The following FGD3 variants were observed in gnomAD, a reference collection of about 807,000 sequenced individuals.
FGD3 encodes FYVE, RhoGEF and PH domain-containing protein 3.
FGD3 carries 45 observed loss-of-function variants against 71.8 expected under a neutral mutation model. The observed-to-expected ratio is 0.63, with a 90% CI of 0.49 to 0.80. The LOEUF (loss-of-function observed/expected upper bound fraction) is 0.80, where lower values mean the gene tolerates loss of function less well. Ranked by LOEUF, FGD3 falls within the 30% of genes least tolerant of loss-of-function variation. The pLI is 0.00. For missense variants in FGD3, 844 were observed against 951.5 expected, an observed-to-expected ratio of 0.89 and a Z score of 1.49; for synonymous variants, 378 against 392.8, an observed-to-expected ratio of 0.96 and a Z score of 0.44.
intron 1 of FGD3, among the ~76,000 whole-genome samples, chr9:92,961,242 A>G (rs918395183): frequency 2.6e-5 from 4 of 152,126 alleles, no homozygotes; most frequent in Non-Finnish European, 5.9e-5. Context: ...TCATGAAGTG[A>G]GCCACCTGGG....
rs1440483122 is a variant in FGD3 at position 93,036,095 on chromosome 9, G to C, written c.*506G>C. The C allele has an allele frequency of 6.5e-6, 1 of 154,540 alleles. No individual in the cohort carries two copies. Among genetic ancestry groups the C allele is most frequent in the Non-Finnish European group, 1.4e-5 (1 of 69,732 alleles). The allele number at this position is 154,540 out of a possible 1,614,324, so 9.6% of individuals were successfully genotyped here. A position where few individuals can be genotyped will look rare whatever the true frequency, so the allele number is the denominator to read the frequency against. The stretch of plus-strand genomic sequence containing the variant: ...CCTGCCCCATCCTAGCTGGACTCAT[G>C]GTTCCTAAATAACCACGCTCAGAAG... On this transcript the variant is annotated 3_prime_UTR_variant, in exon 18 of 18. Coordinates refer to ENST00000375482, the MANE Select transcript of FGD3 (RefSeq NM_001083536.2).
chr9:93,001,030 T>C (rs1250974934), intron 3 of FGD3, among the ~76,000 whole-genome samples: 1 of 152,160 alleles, frequency 6.6e-6, no homozygotes. Flanking sequence ...TCTTCAGGTT[T>C]GCCCAGTTTT....
rs1316921871 is a variant in FGD3, at chr9:92,956,945, C to G, written c.-218+9216C>G. Among the ~76,000 whole-genome samples the G allele has an allele frequency of 3.4e-5, 5 of 149,186 alleles. No homozygotes were observed. In the Admixed American group the frequency reaches 3.4e-4, roughly 10 times the overall value. On this transcript the variant is annotated intron_variant, in intron 1 of 17. Coordinates refer to ENST00000375482, the MANE Select transcript of FGD3 (RefSeq NM_001083536.2). ...CCTTGACCTCCGGGGCTCAAGCAGTCTCCTGCCTCAGCCTCTGAGTAGTTG... is the reference window on the plus strand; with the variant it reads ...CCTTGACCTCCGGGGCTCAAGCAGTGTCCTGCCTCAGCCTCTGAGTAGTTG...
At chr9:92,961,695 G>C (rs1012885297) in intron 1 of FGD3, among the ~76,000 whole-genome samples, 1 of 152,210 alleles carries the variant, frequency 6.6e-6, no homozygotes, top group African/African-American at 2.4e-5. Flanking sequence ...ACAGATGGTG[G>C]CTGGGGCTGC....
In FGD3 at chr9:92,969,773, G is replaced by A. The variant is rs1284431893; in HGVS notation, c.-217-5465G>A. ...TCTGTGGGACCAGCCCTGCCTATCT[G>A]GGGGACCGCTGCACTGTGGAGGGAC... is the stretch of plus-strand genomic sequence containing the variant. On this transcript the variant is annotated intron_variant, in intron 1 of 17. Transcript: ENST00000375482. The surrounding 1 kb of genome is among the most constrained non-coding windows in gnomAD (Gnocchi z 4.5). 6.6e-6 allele frequency among the ~76,000 whole-genome samples: 1 copy of A among 152,188 alleles called. No individual in the cohort carries two copies. The highest frequency in any genetic ancestry group is 2.4e-5 in the African/African-American group (1 of 41,436).
intron 8 of FGD3, among the ~76,000 whole-genome samples, chr9:93,012,043 A>G (rs1221302551): frequency 1.3e-5 from 2 of 150,118 alleles, no homozygotes; most frequent in African/African-American, 4.9e-5. Flanking sequence ...AGTCCCAGCT[A>G]CTCAGGAGGC....
chr9:92,973,998 G>A (rs958336701), intron 1 of FGD3, among the ~76,000 whole-genome samples: 5 of 152,218 alleles, frequency 3.3e-5, no homozygotes, highest in African/African-American at 9.6e-5. Context: ...GTGAGCTGGG[G>A]CAATAGGAGG....
intron 3 of FGD3, among the ~76,000 whole-genome samples, chr9:92,998,030 G>T (rs144080845): frequency 3.8e-4 from 58 of 152,278 alleles, no homozygotes; most frequent in African/African-American, 1.3e-3. Context: ...CACTAGGTTG[G>T]CGAAGTTCTC....
chr9:92,965,140 A>C (rs988797066), intron 1 of FGD3, among the ~76,000 whole-genome samples: 6 of 152,178 alleles, frequency 3.9e-5, no homozygotes, highest in Non-Finnish European at 8.8e-5. Flanking sequence ...GATTGTGCCC[A>C]CTGTGCAGAG....
At position 92,965,070 on chromosome 9, in the gene FGD3, AG is replaced by A. The variant is rs139340992; in HGVS notation, c.-217-10166del. Among the ~76,000 whole-genome samples the A allele has an allele frequency of 3.4e-3, 516 of 152,222 alleles. 5 individuals are homozygous for A. The highest frequency in any genetic ancestry group is 0.012 in the African/African-American group (488 of 41,520). On this transcript the variant is annotated intron_variant, in intron 1 of 17. Transcript: ENST00000375482. Reference sequence around the variant, plus strand: ...GGGACAGTGGCGGGGCCACCTCAAGAGGTGCATGGACTGATGGCAGGGTCCC... The same window carrying A: ...GGGACAGTGGCGGGGCCACCTCAAGAGTGCATGGACTGATGGCAGGGTCCC...
chr9:92,984,811 CTT>C (rs375226068), intron 3 of FGD3, among the ~76,000 whole-genome samples: 50 of 139,152 alleles, frequency 3.6e-4, no homozygotes, highest in Middle Eastern at 3.7e-3. Context: ...TCTTTTTTTT[CTT>C]TTTTTTTTTT....
chr9:93,002,115 T>C (rs1053414292), intron 3 of FGD3, among the ~76,000 whole-genome samples: 1 of 152,214 alleles, frequency 6.6e-6, no homozygotes, highest in Non-Finnish European at 1.5e-5. Flanking sequence ...ATAGTGATGA[T>C]TTCCAGCTTT....
chr9:92,991,185 T>A (rs1213697582), intron 3 of FGD3, among the ~76,000 whole-genome samples: 1 of 152,090 alleles, frequency 6.6e-6, no homozygotes, highest in Non-Finnish European at 1.5e-5. Context: ...CTCAAGCTAT[T>A]CTCTTGCCTC....
At chr9:92,994,414 G>A (rs571544317) in intron 3 of FGD3, among the ~76,000 whole-genome samples, 3 of 152,194 alleles carry the variant, frequency 2.0e-5, no homozygotes, top group African/African-American at 7.2e-5. Context: ...CCATTCTGTA[G>A]GTTGCCTGTT....
At chr9:93,006,435 G>A (rs1025841042) in intron 6 of FGD3, among the ~76,000 whole-genome samples, 1 of 152,206 alleles carries the variant, frequency 6.6e-6, no homozygotes, top group Non-Finnish European at 1.5e-5. Context: ...TCAAGAGGCT[G>A]TGCAAGCTAC....
chr9:92,982,643 G>A (rs1440286109), intron 3 of FGD3, among the ~76,000 whole-genome samples: 1 of 151,218 alleles, frequency 6.6e-6, no homozygotes, highest in Non-Finnish European at 1.5e-5. Context: ...CGTTCATGCA[G>A]TTCGCTCCTG....
At chr9:92,978,897 T>G (rs1859885441) in intron 3 of FGD3, among the ~76,000 whole-genome samples, 1 of 149,740 alleles carries the variant, frequency 6.7e-6, no homozygotes, top group Non-Finnish European at 1.5e-5. Context: ...GCTTCCCAAG[T>G]TGTCAGGATT....
At chr9:93,027,715 C>CTTTTTTTTTTTTTTTT (rs1199094054) in intron 14 of FGD3, among the ~76,000 whole-genome samples, 20 of 101,996 alleles carry the variant, frequency 2.0e-4, no homozygotes, top group South Asian at 3.5e-4. Context: ...TTCTTTCTTT[C>CTTTTTTTTTTTTTTTT]TTTTTTTTTT....
In FGD3 at chr9:93,035,425, T is replaced by C. The variant is rs752803608; in HGVS notation, c.2014T>C (p.Trp672Arg). The change falls in exon 18 of 18, where the codon TGG (tryptophan) becomes CGG (arginine). Residue 672 changes from tryptophan (W) to arginine (R), a missense_variant. By Grantham distance (101) the Trp-to-Arg change is moderately radical. Coordinates refer to ENST00000375482, the MANE Select transcript of FGD3 (RefSeq NM_001083536.2). The part of the protein sequence containing the change: ...PEERLDSGHV[W>R]KLQWAKQSWY... Reference sequence around the variant, plus strand: ...GGAGAGGCTGGACTCGGGGCATGTGTGGAAGCTGCAGTGGGCCAAGCAGTC... The same window carrying C: ...GGAGAGGCTGGACTCGGGGCATGTGCGGAAGCTGCAGTGGGCCAAGCAGTC... 3 of 1,612,252 alleles carry C rather than the reference T, an allele frequency of 1.9e-6. No individual in the cohort carries two copies. The highest frequency in any genetic ancestry group is 2.5e-6 in the Non-Finnish European group (3 of 1,179,530).
Sources: allele counts gnomAD v4.1 joint callset (sites outside exome capture counted in the v4.1 genomes callset), GRCh38; gene constraint gnomAD v4.1.1; non-coding constraint Gnocchi (gnomAD v3.1); transcripts MANE v1.5; gene names NCBI Gene and HGNC (gene_info 2026-07-23, HGNC 2026-07-21).